The following AIG1 variants were observed in gnomAD, a reference collection of about 807,000 sequenced individuals.
AIG1 encodes the protein androgen induced 1.
In AIG1, 23 loss-of-function variants were observed where a neutral mutation model predicts 31.4. That is an observed-to-expected ratio of 0.73 (90% CI 0.53 to 1.04). AIG1 has a LOEUF of 1.04. Ranked by LOEUF, AIG1 falls within the 50% of genes least tolerant of loss-of-function variation. The probability of loss-of-function intolerance (pLI) is 0.00; values close to 1 mark genes in which losing one functional copy is unlikely to be tolerated. For synonymous variants in AIG1, 100 were observed against 110.5 expected, an observed-to-expected ratio of 0.90 and a Z score of 0.60; for missense variants, 274 against 295.0, an observed-to-expected ratio of 0.93 and a Z score of 0.52.
At chr6:143,112,815 A>G (rs1229085856) in intron 1 of AIG1, among the ~76,000 whole-genome samples, 1 of 152,204 alleles carries the variant, frequency 6.6e-6, no homozygotes, top group African/African-American at 2.4e-5. Flanking sequence ...TGATCCTCAC[A>G]TGTAGAGAAC....
Position 143,288,649 on chromosome 6 carries a change from T to C in AIG1, c.515+4424T>C, listed in dbSNP as rs1015143974. Among the ~76,000 whole-genome samples, 1 of 152,218 alleles carries C rather than the reference T, an allele frequency of 6.6e-6. No individual in the cohort carries two copies. The highest frequency in any genetic ancestry group is 1.5e-5 in the Non-Finnish European group (1 of 68,042). ...AACAAAGTCAAGTCAGAAGTGTTAA[T>C]GGAAAAAGCAAACTCTGTAAAATAT... On this transcript the variant is annotated intron_variant, in intron 4 of 5. Transcript: ENST00000357847. The surrounding 1 kb of genome is among the most constrained non-coding windows in gnomAD (Gnocchi z 4.4).
At chr6:143,337,003 A>T (rs1777540109) in intron 5 of AIG1, among the ~76,000 whole-genome samples, 1 of 152,212 alleles carries the variant, frequency 6.6e-6, no homozygotes, top group Non-Finnish European at 1.5e-5. Context: ...AAGGCTTGAA[A>T]ATAATCCTCT....
intron 4 of AIG1, among the ~76,000 whole-genome samples, chr6:143,316,136 A>C (rs1232657198): frequency 6.6e-6 from 1 of 152,128 alleles, no homozygotes; most frequent in Non-Finnish European, 1.5e-5. Context: ...TTAAGCAACT[A>C]TTCATGAAGA....
chr6:143,162,815 A>G (rs559708212), intron 2 of AIG1, among the ~76,000 whole-genome samples: 11 of 152,276 alleles, frequency 7.2e-5, no homozygotes, highest in African/African-American at 1.7e-4. Context: ...GAGGTCCACA[A>G]ATGCCCTGAG....
In AIG1 at chr6:143,161,439, A is replaced by G. The variant is rs189212426; in HGVS notation, c.298-3643A>G. 1.9e-4 allele frequency among the ~76,000 whole-genome samples: 29 copies of G among 152,242 alleles called. 1 individual carries two copies. Among genetic ancestry groups the G allele is most frequent in the Admixed American group, 1.7e-3 (26 of 15,278 alleles). ...GAAGACATTATGAGAAAAGAAAATT[A>G]TAGATCAGAAATCAGTATACTTCAT... On this transcript the variant is annotated intron_variant, in intron 2 of 5. Transcript: ENST00000357847.
intron 1 of AIG1, among the ~76,000 whole-genome samples, chr6:143,111,295 C>T (rs562188624): frequency 6.6e-6 from 1 of 152,322 alleles, no homozygotes; most frequent in South Asian, 2.1e-4. Flanking sequence ...ATCCTTAAGA[C>T]CCAAAGACCT....
rs771611267 is a variant in AIG1 at position 143,150,629 on chromosome 6, C to T, written c.297+13639C>T. Among the ~76,000 whole-genome samples the T allele has an allele frequency of 3.3e-5, 5 of 152,044 alleles. No individual in the cohort carries two copies. In the South Asian group the frequency reaches 1.0e-3, roughly 32 times the overall value. On this transcript the variant is annotated intron_variant, in intron 2 of 5. Transcript: ENST00000357847. ...CTGTCCTATCGCAAGAAAATGCCTG[C>T]CCTATTAGATCTGGTCAGTAATGTT...
chr6:143,213,652 G>A (rs9390070), intron 3 of AIG1, among the ~76,000 whole-genome samples: 1 of 151,144 alleles, frequency 6.6e-6, no homozygotes, highest in Non-Finnish European at 1.5e-5. Context: ...AAGTAGCTGA[G>A]ATTACAGGCA....
chr6:143,276,016 C>T (rs946297534), intron 3 of AIG1, among the ~76,000 whole-genome samples: 5 of 152,190 alleles, frequency 3.3e-5, no homozygotes, highest in Non-Finnish European at 5.9e-5. Flanking sequence ...AAATACACAC[C>T]GCACTGCAGC....
rs1467233582 is a variant in AIG1, at chr6:143,340,884, A to G, written c.*1208A>G. On this transcript the variant is annotated 3_prime_UTR_variant, in exon 6 of 6. Transcript: ENST00000357847. ...CACAAATATAAGTATTGATTGCCCA[A>G]TGTTGAGAGAGATCAACAAATGATA... Among the ~76,000 whole-genome samples the G allele has an allele frequency of 3.3e-5, 5 of 152,178 alleles. No homozygotes were observed. The highest frequency in any genetic ancestry group is 6.5e-5 in the Admixed American group (1 of 15,282).
intron 3 of AIG1, among the ~76,000 whole-genome samples, chr6:143,192,275 T>A (rs1273789285): frequency 2.0e-5 from 3 of 152,172 alleles, no homozygotes; most frequent in African/African-American, 7.2e-5. Context: ...GCCACATCCT[T>A]AGACTGAAGG....
intron 1 of AIG1, among the ~76,000 whole-genome samples, chr6:143,073,166 A>G (rs917570897): frequency 4.6e-5 from 7 of 152,176 alleles, no homozygotes; most frequent in Non-Finnish European, 8.8e-5. Context: ...TTTACTTAGC[A>G]TCATGTCCTC....
chr6:143,078,324 C>T (rs1238863973), intron 1 of AIG1, among the ~76,000 whole-genome samples: 1 of 152,148 alleles, frequency 6.6e-6, no homozygotes, highest in Non-Finnish European at 1.5e-5. Context: ...CCCTAAAGTC[C>T]TTGCCTGATA....
At chr6:143,290,354 C>T (rs1273995636) in intron 4 of AIG1, among the ~76,000 whole-genome samples, 5 of 152,190 alleles carry the variant, frequency 3.3e-5, no homozygotes, top group South Asian at 2.1e-4. Flanking sequence ...GGCGTGCTTC[C>T]GGGGTCTTGT....
At chr6:143,167,745 A>G (rs553219918) in intron 3 of AIG1, among the ~76,000 whole-genome samples, 107 of 152,332 alleles carry the variant, frequency 7.0e-4, no homozygotes, top group African/African-American at 2.5e-3. Flanking sequence ...ACAAATATTT[A>G]GGAAAGAGAA....
Position 143,297,628 on chromosome 6 carries a change from C to T in AIG1, c.515+13403C>T, listed in dbSNP as rs1193825945. ...TGGTTGATTGGTAGAGTGGTTGGCC[C>T]ATTTCCTGTAACACTGCTCCTACTC... On this transcript the variant is annotated intron_variant, in intron 4 of 5. Coordinates refer to ENST00000357847, the MANE Select transcript of AIG1 (RefSeq NM_016108.4). The surrounding 1 kb of genome is among the most constrained non-coding windows in gnomAD (Gnocchi z 5.1). 1.3e-5 allele frequency among the ~76,000 whole-genome samples: 2 copies of T among 152,048 alleles called. No individual in the cohort carries two copies. Among genetic ancestry groups the T allele is most frequent in the Admixed American group, 6.6e-5 (1 of 15,254 alleles).
chr6:143,265,693 T>C (rs1440948359), intron 3 of AIG1, among the ~76,000 whole-genome samples: 1 of 152,188 alleles, frequency 6.6e-6, no homozygotes. Flanking sequence ...TATACCTCAC[T>C]AGGAGGAGAA....
intron 1 of AIG1, among the ~76,000 whole-genome samples, chr6:143,101,507 G>T (rs563226613): frequency 6.6e-6 from 1 of 152,314 alleles, no homozygotes; most frequent in South Asian, 2.1e-4. Flanking sequence ...GCTCTGAGCA[G>T]GTAGAGATGA....
At chr6:143,295,447 AC>A (rs962552118) in intron 4 of AIG1, among the ~76,000 whole-genome samples, 35 of 152,020 alleles carry the variant, frequency 2.3e-4, no homozygotes, top group African/African-American at 7.0e-4. Context: ...GCATTACCGG[AC>A]CCCTGCTGAC....
Sources: gnomAD v4.1 joint callset for allele counts (sites outside exome capture counted in the v4.1 genomes callset) on GRCh38, gnomAD v4.1.1 for gene constraint, Gnocchi (gnomAD v3.1) non-coding constraint, MANE v1.5 for transcripts, NCBI Gene and HGNC (gene_info 2026-07-23, HGNC 2026-07-21) for gene names.